CDH20: variants seen among roughly 807,000 people sequenced by gnomAD.
CDH20 encodes cadherin 20.
CDH20 carries 29 observed loss-of-function variants against 74.2 expected under a neutral mutation model. The observed-to-expected ratio is 0.39, with a 90% CI of 0.29 to 0.53. The LOEUF (loss-of-function observed/expected upper bound fraction) is 0.53, where lower values mean the gene tolerates loss of function less well. Among genes scored for constraint, CDH20 ranks in the 20% least tolerant of loss-of-function variants. The pLI, the probability that CDH20 is intolerant of heterozygous loss-of-function variation, is 0.69. For synonymous variants in CDH20, 469 were observed against 405.4 expected (o/e 1.16, Z -1.88); for missense variants, 988 against 1,048.3 (o/e 0.94, Z 0.79).
intron 1 of CDH20, among the ~76,000 whole-genome samples, chr18:61,357,615 G>A (rs947003588): frequency 2.6e-5 from 4 of 152,186 alleles, no homozygotes; most frequent in Non-Finnish European, 4.4e-5. Context: ...TGAAAGTATT[G>A]CATGCCAGCC....
intron 1 of CDH20, among the ~76,000 whole-genome samples, chr18:61,413,087 C>A (rs192021051): frequency 6.6e-6 from 1 of 152,202 alleles, no homozygotes; most frequent in Non-Finnish European, 1.5e-5. Context: ...TCTTTCTCTG[C>A]AAACCCCAAC....
intron 1 of CDH20, among the ~76,000 whole-genome samples, chr18:61,427,061 ATAT>A (rs900913610): frequency 9.2e-5 from 14 of 152,294 alleles, no homozygotes; most frequent in African/African-American, 3.1e-4. Context: ...AATTAAGAAA[ATAT>A]TATTATTGTT....
intron 2 of CDH20, among the ~76,000 whole-genome samples, chr18:61,492,412 A>G (rs1318464662): frequency 2.0e-5 from 3 of 152,110 alleles, no homozygotes; most frequent in Non-Finnish European, 4.4e-5. Flanking sequence ...TCTGTTCTCC[A>G]CCATGGTCTT....
At chr18:61,373,409 G>T (rs138044779) in intron 1 of CDH20, among the ~76,000 whole-genome samples, 1 of 151,872 alleles carries the variant, frequency 6.6e-6, no homozygotes, top group African/African-American at 2.4e-5. Flanking sequence ...ACTATTACCC[G>T]AGACTACTTC....
Position 61,500,547 on chromosome 18 carries a change from AT to A in CDH20, c.661+48del, listed in dbSNP as rs746140380. 6 of 1,577,622 alleles carry A rather than the reference AT, an allele frequency of 3.8e-6. No individual in the cohort carries two copies. In the Admixed American group the frequency reaches 1.0e-4, roughly 27 times the overall value. On this transcript the variant is annotated intron_variant, in intron 4 of 11. Transcript: ENST00000262717. ...AGTCAGAGGTGTTTATTCCCTGATA[AT>A]TTATAACTGCTGCTATGACAGACCC...
At chr18:61,517,936 A>AG (rs1420827587) in intron 6 of CDH20, among the ~76,000 whole-genome samples, 1 of 151,958 alleles carries the variant, frequency 6.6e-6, no homozygotes, top group Non-Finnish European at 1.5e-5. Context: ...TGGTGGAGGG[A>AG]GGGGGGTCCA....
At position 61,554,284 on chromosome 18, in the gene CDH20, C is replaced by T; in HGVS notation, c.1995C>T (p.Tyr665=). 3 of 1,613,970 alleles carry T rather than the reference C, an allele frequency of 1.9e-6. No individual in the cohort carries two copies. The highest frequency in any genetic ancestry group is 1.6e-4 in the Middle Eastern group (1 of 6,062). Residue 665 remains tyrosine (Y), a synonymous_variant, in exon 12 of 12, where the codon TAC becomes TAT. Coordinates refer to ENST00000262717, the MANE Select transcript of CDH20 (RefSeq NM_031891.4). ...ACATCCACGAGAACATCGTCCGCTA[C>T]GACGACGAGGGCGGCGGCGAGGAGG... ...EENIHENIVR[Y]DDEGGGEEDT...
chr18:61,537,788 T>A (rs932713121), intron 8 of CDH20, among the ~76,000 whole-genome samples: 1 of 152,124 alleles, frequency 6.6e-6, no homozygotes, highest in Non-Finnish European at 1.5e-5. Flanking sequence ...TGCTAGCATA[T>A]TATGGTAACC....
intron 1 of CDH20, among the ~76,000 whole-genome samples, chr18:61,363,068 A>T: frequency 6.6e-6 from 1 of 152,144 alleles, no homozygotes; most frequent in East Asian, 1.9e-4. Flanking sequence ...TGCACCTTTT[A>T]TGATTAATTA....
chr18:61,458,534 T>C (rs1909659325), intron 1 of CDH20, among the ~76,000 whole-genome samples: 1 of 152,110 alleles, frequency 6.6e-6, no homozygotes, highest in Admixed American at 6.6e-5. Context: ...AAGCAATTGT[T>C]CTCCACAAAC....
chr18:61,549,983 A>G lies in CDH20; in HGVS notation c.1654A>G (p.Thr552Ala), dbSNP rs1198541957. ...NFTIRDNQDN[T>A]ARILTRRSGF... Reference sequence around the variant, plus strand: ...GGAACCCCTCCTTCTTTCAGATAACACAGCACGGATTCTAACCAGGAGGTC... The same window carrying G: ...GGAACCCCTCCTTCTTTCAGATAACGCAGCACGGATTCTAACCAGGAGGTC... The change falls in exon 11 of 12, where the codon ACA becomes GCA. Residue 552 changes from threonine to alanine, a missense_variant. Thr to Ala is a moderately conservative substitution (Grantham distance 58, BLOSUM62 0). Transcript: ENST00000262717. 3 of 1,613,688 alleles carry G rather than the reference A, an allele frequency of 1.9e-6. No individual in the cohort carries two copies. Among genetic ancestry groups the G allele is most frequent in the South Asian group, 2.2e-5 (2 of 91,036 alleles).
chr18:61,405,445 C>T (rs904446185), intron 1 of CDH20, among the ~76,000 whole-genome samples: 2 of 151,988 alleles, frequency 1.3e-5, no homozygotes, highest in African/African-American at 4.8e-5. Flanking sequence ...AAAAATAAAA[C>T]CCTAAAAATT....
chr18:61,548,602 G>A (rs1169597431), intron 10 of CDH20, among the ~76,000 whole-genome samples: 1 of 152,214 alleles, frequency 6.6e-6, no homozygotes, highest in Non-Finnish European at 1.5e-5. Context: ...TATGCTATGG[G>A]AACAACTACC....
At chr18:61,370,040 T>G (rs1910982533) in intron 1 of CDH20, among the ~76,000 whole-genome samples, 1 of 152,080 alleles carries the variant, frequency 6.6e-6, no homozygotes, top group South Asian at 2.1e-4. Flanking sequence ...GTAACAAACC[T>G]GCACATGTGC....
At chr18:61,542,584 C>T (rs1767151496) in intron 9 of CDH20, among the ~76,000 whole-genome samples, 2 of 152,196 alleles carry the variant, frequency 1.3e-5, no homozygotes, top group South Asian at 2.1e-4. Flanking sequence ...TAATTAGTCA[C>T]TGGATGTCGC....
At chr18:61,341,004 C>T (rs1349152795) in intron 1 of CDH20, among the ~76,000 whole-genome samples, 1 of 152,144 alleles carries the variant, frequency 6.6e-6, no homozygotes, top group Non-Finnish European at 1.5e-5. Context: ...ATGCAAATGG[C>T]TTGAATAAAC....
At chr18:61,533,714 T>A (rs1009691065) in intron 7 of CDH20, among the ~76,000 whole-genome samples, 1 of 152,224 alleles carries the variant, frequency 6.6e-6, no homozygotes, top group African/African-American at 2.4e-5. Context: ...ATTGTGGAGC[T>A]TTTCCCCTAA....
chr18:61,505,335 C>CTTTTT (rs35833642), intron 5 of CDH20, among the ~76,000 whole-genome samples: 5 of 117,426 alleles, frequency 4.3e-5, no homozygotes, highest in African/African-American at 1.6e-4. Flanking sequence ...AAACCAATAT[C>CTTTTT]TTTTTTTTTT....
intron 1 of CDH20, among the ~76,000 whole-genome samples, chr18:61,415,359 C>T (rs1912647687): frequency 6.6e-6 from 1 of 152,114 alleles, no homozygotes; most frequent in Admixed American, 6.5e-5. Flanking sequence ...AAACACAGCA[C>T]ACCTCACTGG....
Sources: gnomAD v4.1 joint callset for allele counts (sites outside exome capture counted in the v4.1 genomes callset) on GRCh38, gnomAD v4.1.1 for gene constraint, MANE v1.5 for transcripts, NCBI Gene and HGNC (gene_info 2026-07-23, HGNC 2026-07-21) for gene names.